Variants in SKA3 observed in about 807,000 individuals in gnomAD.
SKA3 encodes the protein spindle and kinetochore associated complex subunit 3.
A neutral mutation model predicts 44.2 loss-of-function variants in SKA3; 39 were observed. The observed-to-expected ratio is 0.88, with a 90% confidence interval of 0.68 to 1.15. The LOEUF (loss-of-function observed/expected upper bound fraction) is 1.15. Among genes scored for constraint, SKA3 ranks in the 50% most tolerant of loss-of-function variants. SKA3 has a pLI of 0.00. For missense variants in SKA3, 511 were observed against 485.8 expected, an observed-to-expected ratio of 1.05 and a Z score of -0.49; for synonymous variants, 192 against 172.0, an observed-to-expected ratio of 1.12 and a Z score of -0.91.
chr13:21,155,814 A>G lies in SKA3; in HGVS notation c.1120-3T>C, dbSNP rs200184849. ...TTTGAGTTGTATTTTGATAAAAGCT[A>G]AAAAAAAAAAAGGAAATTCCTTTTT... On this transcript the variant is annotated splice_polypyrimidine_tract_variant and splice_region_variant and intron_variant, in intron 7 of 8. Transcript: ENST00000314759. 9 of 590,580 alleles carry G rather than the reference A, an allele frequency of 1.5e-5. No individual in the cohort carries two copies. The highest frequency in any genetic ancestry group is 1.8e-5 in the Non-Finnish European group (8 of 438,902). 36.6% of individuals were successfully genotyped at this position (590,580 alleles called of 1,614,324 possible).
At chr13:21,161,053 C>T (rs569798149) in intron 5 of SKA3, among the ~76,000 whole-genome samples, 4 of 152,128 alleles carry the variant, frequency 2.6e-5, no homozygotes, top group East Asian at 3.9e-4. Context: ...GCCCAAGAGG[C>T]GGAGGTTGCA....
chr13:21,166,059 C>G (rs183545282), intron 4 of SKA3, among the ~76,000 whole-genome samples: 1 of 150,864 alleles, frequency 6.6e-6, no homozygotes, highest in African/African-American at 2.4e-5. Flanking sequence ...CTCTTGTTAT[C>G]TAGGCTGGAG....
In SKA3 at chr13:21,155,811, G is replaced by C. The variant is rs773095342; in HGVS notation, c.1120C>G (p.Leu374Val). ...AGGTTTGAGTTGTATTTTGATAAAA[G>C]CTAAAAAAAAAAAAGGAAATTCCTT... ...VTKIPEDILQ[L>V]LSKYNSNLAT... The change falls in exon 8 of 9, where the codon CTT becomes GTT. Residue 374 changes from leucine to valine, a missense_variant and splice_region_variant. Physicochemically the swap from Leu to Val is conservative, Grantham distance 32. Coordinates refer to ENST00000314759, the MANE Select transcript of SKA3 (RefSeq NM_145061.6). 13 of 1,171,394 alleles carry C rather than the reference G, an allele frequency of 1.1e-5. No homozygotes were observed. Among genetic ancestry groups the C allele is most frequent in the Non-Finnish European group, 1.5e-5 (13 of 876,218 alleles). 72.6% of individuals were successfully genotyped at this position (1,171,394 alleles called of 1,614,324 possible). A position where few individuals can be genotyped will look rare whatever the true frequency, so the allele number is the denominator to read the frequency against.
At chr13:21,172,938 C>T (rs992192909) in intron 1 of SKA3, among the ~76,000 whole-genome samples, 1 of 152,040 alleles carries the variant, frequency 6.6e-6, no homozygotes, top group African/African-American at 2.4e-5. Flanking sequence ...GGCCTAGGAG[C>T]GACAGGCTAC....
At chr13:21,175,315 T>C (rs1871411190) in intron 1 of SKA3, among the ~76,000 whole-genome samples, 1 of 149,714 alleles carries the variant, frequency 6.7e-6, no homozygotes, top group African/African-American at 2.5e-5. Context: ...TCTTGCTCTG[T>C]CGCCGAGGCT....
chr13:21,155,229 T>C, intron 8 of SKA3, 79 bp from the exon 9 acceptor site: 2 of 1,045,572 alleles, frequency 1.9e-6, no homozygotes, highest in South Asian at 1.7e-5. Flanking sequence ...ACTGTGGCTA[T>C]ATATTTTACA....
chr13:21,155,643 GTCC>G (rs754985388), intron 8 of SKA3, 47 bp downstream of exon 8: 18 of 918,066 alleles, frequency 2.0e-5, no homozygotes, highest in Non-Finnish European at 2.4e-5. Flanking sequence ...ATTTTTAAAT[GTCC>G]TCCTCAAATA....
In SKA3 at chr13:21,155,810, A is replaced by G; in HGVS notation, c.1121T>C (p.Leu374Pro). The G allele has an allele frequency of 2.2e-6, 3 of 1,353,544 alleles. No homozygotes were observed. The highest frequency in any genetic ancestry group is 3.0e-6 in the Non-Finnish European group (3 of 995,602). The allele number at this position is 1,353,544 out of a possible 1,614,324, so 83.8% of individuals were successfully genotyped here. A position where few individuals can be genotyped will look rare whatever the true frequency, so the allele number is the denominator to read the frequency against. The stretch of plus-strand genomic sequence containing the variant: ...TAGGTTTGAGTTGTATTTTGATAAA[A>G]GCTAAAAAAAAAAAAGGAAATTCCT... The part of the protein sequence containing the change: ...VTKIPEDILQ[L>P]LSKYNSNLAT... The change falls in exon 8 of 9, where the codon CTT becomes CCT. Residue 374 changes from leucine (L) to proline (P), a missense_variant and splice_region_variant. Physicochemically the swap from Leu to Pro is moderately conservative, Grantham distance 98. Coordinates refer to ENST00000314759, the MANE Select transcript of SKA3 (RefSeq NM_145061.6).
intron 3 of SKA3, among the ~76,000 whole-genome samples, chr13:21,170,527 T>G (rs1870980747): frequency 6.6e-6 from 1 of 152,204 alleles, no homozygotes; most frequent in Non-Finnish European, 1.5e-5. Flanking sequence ...AGTCTTGAGT[T>G]TAAATCTCTA....
rs1419452231 is a variant in SKA3, at chr13:21,168,162, G to A, written c.569C>T (p.Thr190Ile). ...NNYKEEPVIVTPPTKQSLVKV... is the reference protein window; with the variant it reads ...NNYKEEPVIVIPPTKQSLVKV... ...TACTAGTGATTGTTTGGTAGGTGGG[G>A]TTACAATTACGGGCTCTTCCTTATA... is the stretch of plus-strand genomic sequence containing the variant. The change falls in exon 4 of 9, where the codon ACC becomes ATC. Residue 190 changes from threonine (T) to isoleucine (I), a missense_variant. Transcript: ENST00000314759. The A allele has an allele frequency of 1.9e-6, 3 of 1,614,122 alleles. No individual in the cohort carries two copies. The highest frequency in any genetic ancestry group is 2.5e-6 in the Non-Finnish European group (3 of 1,179,998).
At position 21,157,491 on chromosome 13, in the gene SKA3, T is replaced by C. The variant is rs140484016; in HGVS notation, c.1119+431A>G. Reference sequence around the variant, plus strand: ...AAACACAGAAAATGTACAGTAAAAATACAGTATCATAATCTTATGACTGCT... The same window carrying C: ...AAACACAGAAAATGTACAGTAAAAACACAGTATCATAATCTTATGACTGCT... On this transcript the variant is annotated intron_variant, in intron 7 of 8. Coordinates refer to ENST00000314759, the MANE Select transcript of SKA3 (RefSeq NM_145061.6). Among the ~76,000 whole-genome samples the C allele has an allele frequency of 3.5e-3, 529 of 152,296 alleles. 4 individuals are homozygous for C. The highest frequency in any genetic ancestry group is 0.012 in the African/African-American group (499 of 41,550).
chr13:21,163,654 AAT>A (rs1163352247), intron 4 of SKA3, among the ~76,000 whole-genome samples: 1 of 152,200 alleles, frequency 6.6e-6, no homozygotes, highest in Non-Finnish European at 1.5e-5. Context: ...GTTTTAGCCA[AAT>A]ATGCATCTGG....
At position 21,167,980 on chromosome 13, in the gene SKA3, C is replaced by CT. The variant is rs1308754119; in HGVS notation, c.743+7dup. On this transcript the variant is annotated splice_region_variant and intron_variant, in intron 4 of 8. Transcript: ENST00000314759. ...AGATAAAATATGCCTTTTAACAGAG[C>CT]TGCTTACCTTTTATTATTCCTCGCA... 1 of 1,553,534 alleles carries CT rather than the reference C, an allele frequency of 6.4e-7. No homozygotes were observed. The highest frequency in any genetic ancestry group is 8.7e-7 in the Non-Finnish European group (1 of 1,150,122).
At chr13:21,161,708 T>G in intron 5 of SKA3, 82 bp downstream of exon 5, 1 of 732,744 alleles carries the variant, frequency 1.4e-6, no homozygotes, top group Non-Finnish European at 2.0e-6. Context: ...ACTATTAGAA[T>G]GTCTAAGATG....
intron 4 of SKA3, among the ~76,000 whole-genome samples, chr13:21,163,377 T>G (rs1053941977): frequency 6.6e-6 from 1 of 152,180 alleles, no homozygotes; most frequent in Non-Finnish European, 1.5e-5. Flanking sequence ...TTTGAACTTT[T>G]GAACTATAAA....
chr13:21,156,253 A>T (rs1870116617), intron 7 of SKA3, among the ~76,000 whole-genome samples: 1 of 151,724 alleles, frequency 6.6e-6, no homozygotes, highest in South Asian at 2.1e-4. Flanking sequence ...TTTAACTTGG[A>T]TGTGAAGGAC....
intron 1 of SKA3, 140 bp from the exon 2 acceptor site, chr13:21,172,821 T>C (rs1439356777): frequency 1.1e-5 from 6 of 540,538 alleles, no homozygotes; most frequent in Admixed American, 7.7e-5. Context: ...CATAAGATAA[T>C]ACCATATTTT....
chr13:21,175,925 T>C (rs562671454), intron 1 of SKA3, among the ~76,000 whole-genome samples: 4 of 152,308 alleles, frequency 2.6e-5, no homozygotes, highest in African/African-American at 9.6e-5. Context: ...GAACGTTAAA[T>C]AGCTTGATTC....
rs1869924391 is a variant in SKA3 at position 21,153,609 on chromosome 13, T to A, written c.*1541A>T. The A allele has an allele frequency of 6.6e-6, 1 of 152,258 alleles. No individual in the cohort carries two copies. The highest frequency in any genetic ancestry group is 1.5e-5 in the Non-Finnish European group (1 of 68,052). The allele number at this position is 152,258 out of a possible 1,614,324, so 9.4% of individuals were successfully genotyped here. A position where few individuals can be genotyped will look rare whatever the true frequency, so the allele number is the denominator to read the frequency against. ...AAACCCAACAGTCAGTTCTCAGTCC[T>A]CTTTTTATTTGAATTCTCAGCAATA... is the stretch of plus-strand genomic sequence containing the variant. On this transcript the variant is annotated 3_prime_UTR_variant, in exon 9 of 9. Transcript: ENST00000314759.
Sources: gnomAD v4.1 joint callset for allele counts (sites outside exome capture counted in the v4.1 genomes callset) on GRCh38, gnomAD v4.1.1 for gene constraint, MANE v1.5 for transcripts, NCBI Gene and HGNC (gene_info 2026-07-23, HGNC 2026-07-21) for gene names.